BCL11B: variants seen among roughly 807,000 people sequenced by gnomAD.
BCL11B encodes BCL11 transcription factor B.
Under a neutral mutation model 49.9 loss-of-function variants are expected in BCL11B, and 8 were observed. The observed-to-expected ratio is 0.16, with a 90% CI of 0.09 to 0.29. The LOEUF is 0.29. BCL11B is among the 10% of genes least tolerant of loss of function. The pLI, the probability that BCL11B is intolerant of heterozygous loss-of-function variation, is 1.00. For missense variants in BCL11B, 1,006 were observed against 1,351.0 expected (o/e 0.74, Z 4.00); for synonymous variants, 739 against 637.4 (o/e 1.16, Z -2.40).
intron 3 of BCL11B, among the ~76,000 whole-genome samples, chr14:99,181,422 C>G (rs1029689823): frequency 1.3e-5 from 2 of 152,250 alleles, no homozygotes; most frequent in Admixed American, 6.5e-5. Context: ...CTCAGAGAAG[C>G]AAAGCGGCAC....
At chr14:99,230,155 G>C (rs1888287200) in intron 3 of BCL11B, among the ~76,000 whole-genome samples, 1 of 152,200 alleles carries the variant, frequency 6.6e-6, no homozygotes, top group South Asian at 2.1e-4. Flanking sequence ...CTGGAGCCCA[G>C]GAAGCTCTGG....
At chr14:99,251,522 G>A (rs1051379539) in intron 2 of BCL11B, among the ~76,000 whole-genome samples, 1 of 152,058 alleles carries the variant, frequency 6.6e-6, no homozygotes, top group Non-Finnish European at 1.5e-5. Flanking sequence ...TATTTATGGG[G>A]GAAAAGTCTA....
At chr14:99,189,335 G>A (rs1381073600) in intron 3 of BCL11B, among the ~76,000 whole-genome samples, 1 of 152,234 alleles carries the variant, frequency 6.6e-6, no homozygotes, top group Non-Finnish European at 1.5e-5. Context: ...GAGCTGCCTG[G>A]TGCCGCTAGA....
intron 1 of BCL11B, among the ~76,000 whole-genome samples, chr14:99,270,884 C>T (rs1187234494): frequency 1.3e-5 from 2 of 150,976 alleles, no homozygotes; most frequent in Non-Finnish European, 3.0e-5. Flanking sequence ...ACACACTCCT[C>T]CAGCCTGCAT....
chr14:99,181,413 T>C (rs1306441320), intron 3 of BCL11B, among the ~76,000 whole-genome samples: 3 of 152,130 alleles, frequency 2.0e-5, no homozygotes, highest in Non-Finnish European at 4.4e-5. Flanking sequence ...AAACTGACGC[T>C]CAGAGAAGCA....
rs1724872987 is a variant in BCL11B, at chr14:99,262,240, A to G, written c.59-4401T>C. ...ACCCCGCCCTCCCTGGCCCATCTCT[A>G]ACAACTGCCCATGCACCTGCCCTTA... On this transcript the variant is annotated intron_variant, in intron 1 of 3. Transcript: ENST00000357195. This position sits in a 1 kb window ranked among gnomAD's most constrained non-coding sequence, Gnocchi z 4.2. Among the ~76,000 whole-genome samples, 1 of 152,094 alleles carries G rather than the reference A, an allele frequency of 6.6e-6. No homozygotes were observed. Among genetic ancestry groups the G allele is most frequent in the African/African-American group, 2.4e-5 (1 of 41,412 alleles).
chr14:99,253,195 G>A (rs1452877303), intron 2 of BCL11B, among the ~76,000 whole-genome samples: 1 of 152,226 alleles, frequency 6.6e-6, no homozygotes, highest in Non-Finnish European at 1.5e-5. Context: ...TTCCACCCGG[G>A]AGATGCCAAA....
In BCL11B at chr14:99,271,764, GAAAAAGCAAAGGAAAAA is replaced by G. The variant is rs1032134818; in HGVS notation, c.-563_-547del. Among the ~76,000 whole-genome samples, 1 of 149,986 alleles carries G rather than the reference GAAAAAGCAAAGGAAAAA, an allele frequency of 6.7e-6. No homozygotes were observed. Among genetic ancestry groups the G allele is most frequent in the Admixed American group, 6.6e-5 (1 of 15,078 alleles). On this transcript the variant is annotated 5_prime_UTR_variant, in exon 1 of 4. Coordinates refer to ENST00000357195, the MANE Select transcript of BCL11B (RefSeq NM_138576.4). ...GCAAACAAATAAAAAAATAAAAGAA[GAAAAAGCAAAGGAAAAA>G]AAAAAGCAAAGAAAACTTGGGGACT... is the stretch of plus-strand genomic sequence containing the variant.
At chr14:99,202,813 T>C (rs991656472) in intron 3 of BCL11B, among the ~76,000 whole-genome samples, 4 of 152,224 alleles carry the variant, frequency 2.6e-5, no homozygotes, top group Admixed American at 2.6e-4. Context: ...TGGGGTCTCA[T>C]GCAGCGCTGC....
chr14:99,255,405 G>GAAAAAAAAAA lies in BCL11B; in HGVS notation c.427+2056_427+2065dup, dbSNP rs67440207. 1.1e-4 allele frequency among the ~76,000 whole-genome samples: 7 copies of GAAAAAAAAAA among 65,168 alleles called. No homozygotes were observed. In the South Asian group the frequency reaches 3.1e-3, roughly 29 times the overall value. The allele number at this position is 65,168 out of a possible 152,430, so 42.8% of individuals were successfully genotyped here. A position where few individuals can be genotyped will look rare whatever the true frequency, so the allele number is the denominator to read the frequency against. On this transcript the variant is annotated intron_variant, in intron 2 of 3. Coordinates refer to ENST00000357195, the MANE Select transcript of BCL11B (RefSeq NM_138576.4). ...TAGGCTGCTGCAGTATCACAACCTG[G>GAAAAAAAAAA]AAAAAAAAAAAAAAAAAAAAAAAAA...
intron 2 of BCL11B, among the ~76,000 whole-genome samples, chr14:99,252,595 C>T (rs1249801086): frequency 6.6e-6 from 1 of 152,200 alleles, no homozygotes; most frequent in Non-Finnish European, 1.5e-5. Flanking sequence ...CGCGTCCTCC[C>T]TAGGTTGTGG....
intron 3 of BCL11B, among the ~76,000 whole-genome samples, chr14:99,220,017 C>G (rs1298226609): frequency 6.6e-6 from 1 of 152,136 alleles, no homozygotes; most frequent in African/African-American, 2.4e-5. Flanking sequence ...CTAACTTGGA[C>G]CAGTTGTTGC....
chr14:99,222,261 G>GA (rs11290061), intron 3 of BCL11B, among the ~76,000 whole-genome samples: 2 of 151,872 alleles, frequency 1.3e-5, no homozygotes, highest in Admixed American at 6.5e-5. Flanking sequence ...CCCAGTGGGG[G>GA]AAAAAAAATG....
intron 3 of BCL11B, among the ~76,000 whole-genome samples, chr14:99,191,353 C>T (rs1041098694): frequency 7.3e-5 from 11 of 151,550 alleles, no homozygotes; most frequent in Admixed American, 2.0e-4. Flanking sequence ...CCCTGGGCCA[C>T]ACCCGTCAAC....
rs567686605 is a variant in BCL11B, at chr14:99,249,581, G to T, written c.427+7890C>A. On this transcript the variant is annotated intron_variant, in intron 2 of 3. Transcript: ENST00000357195. Reference sequence around the variant, plus strand: ...ATTTACCACCCTCGTGGGGCAGAGAGGTGGATGGAATGTAGGCACAGTTAT... The same window carrying T: ...ATTTACCACCCTCGTGGGGCAGAGATGTGGATGGAATGTAGGCACAGTTAT... Among the ~76,000 whole-genome samples, 27 of 152,322 alleles carry T rather than the reference G, an allele frequency of 1.8e-4. 1 individual carries two copies. Among genetic ancestry groups the T allele is most frequent in the Admixed American group, 1.4e-3 (21 of 15,310 alleles).
In BCL11B at chr14:99,230,774, C is replaced by T. The variant is rs78303531; in HGVS notation, c.640+571G>A. ...GGACGCACAGCAGGTACTCAGCCCC[C>T]GCCCCCACCCCTCACACACCTCACA... On this transcript the variant is annotated intron_variant, in intron 3 of 3. Transcript: ENST00000357195. 4.2e-3 allele frequency among the ~76,000 whole-genome samples: 640 copies of T among 152,236 alleles called. 5 individuals are homozygous for T. The highest frequency in any genetic ancestry group is 0.014 in the African/African-American group (571 of 41,532).
At chr14:99,270,341 C>A (rs1027279788) in intron 1 of BCL11B, among the ~76,000 whole-genome samples, 2 of 151,878 alleles carry the variant, frequency 1.3e-5, no homozygotes, top group Non-Finnish European at 2.9e-5. Flanking sequence ...AAGCGCATCA[C>A]TCTCTTCCCA....
intron 1 of BCL11B, among the ~76,000 whole-genome samples, chr14:99,266,161 G>T (rs956975423): frequency 6.6e-6 from 1 of 152,126 alleles, no homozygotes; most frequent in Admixed American, 6.6e-5. Flanking sequence ...TTGGGGAACG[G>T]TGCTATTTCC....
Position 99,179,734 on chromosome 14 carries a change from G to A in BCL11B, c.641-3539C>T, listed in dbSNP as rs975843689. 5.9e-5 allele frequency among the ~76,000 whole-genome samples: 9 copies of A among 152,044 alleles called. No homozygotes were observed. The South Asian group carries it at 1.2e-3, about 21-fold the overall frequency. Reference sequence around the variant, plus strand: ...TCCAGTGCAGGATCTGAAGCCTTCCGATATCCTAAAAATCACCCAGCCCTC... The same window carrying A: ...TCCAGTGCAGGATCTGAAGCCTTCCAATATCCTAAAAATCACCCAGCCCTC... On this transcript the variant is annotated intron_variant, in intron 3 of 3. Coordinates refer to ENST00000357195, the MANE Select transcript of BCL11B (RefSeq NM_138576.4).
Sources: gnomAD v4.1 joint callset for allele counts (sites outside exome capture counted in the v4.1 genomes callset) on GRCh38, gnomAD v4.1.1 for gene constraint, Gnocchi (gnomAD v3.1) non-coding constraint, MANE v1.5 for transcripts, NCBI Gene and HGNC (gene_info 2026-07-23, HGNC 2026-07-21) for gene names.